GRAMD4: variants seen among roughly 807,000 people sequenced by gnomAD.
GRAMD4 encodes GRAM domain-containing protein 4.
In GRAMD4, 25 loss-of-function variants were observed where a neutral mutation model predicts 83.9. The ratio of observed to expected loss-of-function variants is 0.30; its 90% confidence interval spans 0.22 to 0.42. The LOEUF is 0.42. GRAMD4 is among the 10% of genes least tolerant of loss of function. GRAMD4 has a pLI of 1.00. For synonymous variants in GRAMD4, 336 were observed against 320.9 expected, an observed-to-expected ratio of 1.05 and a Z score of -0.50; for missense variants, 593 against 788.7, an observed-to-expected ratio of 0.75 and a Z score of 2.97.
At chr22:46,676,332 C>G (rs111806470) in intron 17 of GRAMD4, among the ~76,000 whole-genome samples, 2 of 152,206 alleles carry the variant, frequency 1.3e-5, no homozygotes, top group African/African-American at 4.8e-5. Flanking sequence ...CCGTCAGCCT[C>G]CTCAGGCCGG....
chr22:46,585,527 C>T (rs2081141160), intron 1 of GRAMD4, among the ~76,000 whole-genome samples: 1 of 152,194 alleles, frequency 6.6e-6, no homozygotes, highest in African/African-American at 2.4e-5. Flanking sequence ...TAACTTCGGC[C>T]CTAGACCCAG....
At chr22:46,666,615 G>A (rs372946563) in intron 9 of GRAMD4, among the ~76,000 whole-genome samples, 4 of 152,184 alleles carry the variant, frequency 2.6e-5, no homozygotes, top group African/African-American at 9.7e-5. Context: ...GCCCAGAAGG[G>A]CCCCAGAGGA....
At chr22:46,606,449 A>G (rs2081365864) in intron 1 of GRAMD4, among the ~76,000 whole-genome samples, 1 of 3,554 alleles carries the variant, frequency 2.8e-4, no homozygotes, top group African/African-American at 5.7e-4. Flanking sequence ...GCTGGTGCTG[A>G]GCATCTCTGC....
intron 1 of GRAMD4, among the ~76,000 whole-genome samples, chr22:46,596,569 C>T (rs2081263943): frequency 6.6e-6 from 1 of 152,206 alleles, no homozygotes; most frequent in South Asian, 2.1e-4. Flanking sequence ...GACGGAGTCT[C>T]ATGTGCTCTG....
At chr22:46,586,517 G>A (rs2081151566) in intron 1 of GRAMD4, among the ~76,000 whole-genome samples, 1 of 152,090 alleles carries the variant, frequency 6.6e-6, no homozygotes, top group Admixed American at 6.5e-5. Context: ...AATTCCACCT[G>A]CTTCCTTAGA....
intron 2 of GRAMD4, 88 bp downstream of exon 2, chr22:46,627,049 G>T (rs924063976): frequency 6.7e-6 from 6 of 893,092 alleles, no homozygotes; most frequent in Non-Finnish European, 1.1e-5. Context: ...AGGCAGATTC[G>T]TGTCCTGCCC....
chr22:46,650,517 C>G (rs1388059946), intron 3 of GRAMD4, among the ~76,000 whole-genome samples: 1 of 152,210 alleles, frequency 6.6e-6, no homozygotes, highest in Non-Finnish European at 1.5e-5. Flanking sequence ...CCTTTGCCTC[C>G]CCTCAAATCA....
chr22:46,628,768 TG>T (rs1284811788), intron 2 of GRAMD4, among the ~76,000 whole-genome samples: 2 of 151,836 alleles, frequency 1.3e-5, no homozygotes, highest in Non-Finnish European at 2.9e-5. Context: ...CATCTGGATT[TG>T]GGGGGCATCA....
chr22:46,627,022 G>A (rs777720403), intron 2 of GRAMD4, 61 bp downstream of exon 2: 7 of 1,249,226 alleles, frequency 5.6e-6, no homozygotes, highest in Middle Eastern at 2.3e-4. Context: ...CTCTGTGGCC[G>A]GGCCAAGCGT....
chr22:46,595,178 AAG>A (rs2081249558), intron 1 of GRAMD4, among the ~76,000 whole-genome samples: 1 of 152,116 alleles, frequency 6.6e-6, no homozygotes, highest in South Asian at 2.1e-4. Flanking sequence ...GCAGGCACCC[AAG>A]AGGGGCACGT....
intron 1 of GRAMD4, among the ~76,000 whole-genome samples, chr22:46,598,102 T>G (rs776985322): frequency 2.4e-4 from 36 of 152,068 alleles, no homozygotes; most frequent in Admixed American, 1.9e-3. Context: ...ATGCCTCAGC[T>G]TCCGGAGTAG....
At chr22:46,640,001 G>A (rs1381153479) in intron 3 of GRAMD4, among the ~76,000 whole-genome samples, 1 of 152,250 alleles carries the variant, frequency 6.6e-6, no homozygotes, top group East Asian at 1.9e-4. Context: ...ATGGATCTCT[G>A]AGAATGGAGA....
At chr22:46,579,989 G>A (rs1383989303) in intron 1 of GRAMD4, among the ~76,000 whole-genome samples, 1 of 152,124 alleles carries the variant, frequency 6.6e-6, no homozygotes, top group African/African-American at 2.4e-5. Flanking sequence ...GGGTGGCCTG[G>A]TCACCCCCTG....
At chr22:46,648,575 G>A (rs930443416) in intron 3 of GRAMD4, among the ~76,000 whole-genome samples, 3 of 152,056 alleles carry the variant, frequency 2.0e-5, no homozygotes, top group Admixed American at 2.0e-4. Flanking sequence ...GTGAGTGGAT[G>A]TGTGGATGGA....
Position 46,669,677 on chromosome 22 carries a change from G to A in GRAMD4, c.1084+769G>A, listed in dbSNP as rs1283149661. On this transcript the variant is annotated intron_variant, in intron 13 of 18. Coordinates refer to ENST00000406902, the MANE Select transcript of GRAMD4 (RefSeq NM_015124.5). ...TGCAACCTCCGCCTCCCGGGTTCAA[G>A]TGATTCTCCTGCCTCAGCCTCCCAA... Among the ~76,000 whole-genome samples the A allele has an allele frequency of 5.9e-5, 9 of 151,748 alleles. No individual in the cohort carries two copies. In the South Asian group the frequency reaches 8.3e-4, roughly 14 times the overall value.
chr22:46,672,849 A>C lies in GRAMD4; in HGVS notation c.1091A>C (p.Tyr364Ser). 6.2e-7 allele frequency: 1 copy of C among 1,612,200 alleles called. No individual in the cohort carries two copies. Among genetic ancestry groups the C allele is most frequent in the Non-Finnish European group, 8.5e-7 (1 of 1,179,136 alleles). ...CTGTGTCCCCTGCCCTCAGGACTCT[A>C]TGCTGGTATCAAGTTCTTCCTCATT... ...YRLVGLAVGL[Y>S]AGIKFFLIDF... Residue 364 changes from tyrosine to serine, a missense_variant, in exon 14 of 19, where the codon TAT becomes TCT. Tyr to Ser is a moderately radical substitution (Grantham distance 144, BLOSUM62 -2). This residue lies in a region of GRAMD4 where 171 missense variants were observed against 199.6 expected (regional missense o/e 0.86). Coordinates refer to ENST00000406902, the MANE Select transcript of GRAMD4 (RefSeq NM_015124.5). This position sits in a 1 kb window ranked among gnomAD's most constrained non-coding sequence, Gnocchi z 4.7.
chr22:46,643,978 T>C (rs915341914), intron 3 of GRAMD4, among the ~76,000 whole-genome samples: 1 of 152,214 alleles, frequency 6.6e-6, no homozygotes, highest in African/African-American at 2.4e-5. Context: ...TTTCCTCTCT[T>C]CCCCTGTAGA....
At chr22:46,609,949 C>T (rs1601553489) in intron 1 of GRAMD4, among the ~76,000 whole-genome samples, 1 of 152,222 alleles carries the variant, frequency 6.6e-6, no homozygotes, top group South Asian at 2.1e-4. Flanking sequence ...GTTCGCCTTC[C>T]AGCACCCCTG....
At chr22:46,650,809 G>A (rs567826684) in intron 3 of GRAMD4, among the ~76,000 whole-genome samples, 1 of 152,344 alleles carries the variant, frequency 6.6e-6, no homozygotes, top group African/African-American at 2.4e-5. Context: ...GTGCTGACTG[G>A]AAGTGGGTGG....
Sources: gnomAD v4.1 joint callset for allele counts (sites outside exome capture counted in the v4.1 genomes callset) on GRCh38, gnomAD v4.1.1 for gene constraint, gnomAD v4.1.1 regional missense constraint, Gnocchi (gnomAD v3.1) non-coding constraint, MANE v1.5 for transcripts, NCBI Gene and HGNC (gene_info 2026-07-23, HGNC 2026-07-21) for gene names.